The following RASGRF2 variants were observed in gnomAD, a reference collection of about 807,000 sequenced individuals.
The protein encoded by RASGRF2 is ras-specific guanine nucleotide-releasing factor 2.
A neutral mutation model predicts 151.0 loss-of-function variants in RASGRF2; 76 were observed. The observed-to-expected ratio is 0.50, with a 90% confidence interval of 0.42 to 0.61. RASGRF2 has a LOEUF of 0.61. Ranked by LOEUF, RASGRF2 falls within the 20% of genes least tolerant of loss-of-function variation. The pLI is 0.00. For missense variants in RASGRF2, 1,148 were observed against 1,564.6 expected (o/e 0.73, Z 4.49); for synonymous variants, 504 against 566.5 (o/e 0.89, Z 1.57).
intron 17 of RASGRF2, among the ~76,000 whole-genome samples, chr5:81,146,649 G>A (rs1290062973): frequency 6.6e-6 from 1 of 152,136 alleles, no homozygotes; most frequent in African/African-American, 2.4e-5. Context: ...AGAGAAGTGG[G>A]AATTCTAAAA....
rs540899305 is a variant in RASGRF2 at position 81,034,190 on chromosome 5, A to G, written c.289-8687A>G. On this transcript the variant is annotated intron_variant, in intron 1 of 26. Coordinates refer to ENST00000265080, the MANE Select transcript of RASGRF2 (RefSeq NM_006909.3). ...AGACATTTATGCAGCCAAAAAACAC[A>G]TGAAAAAATGCTCACCATCACTGGC... Among the ~76,000 whole-genome samples, 7 of 152,342 alleles carry G rather than the reference A, an allele frequency of 4.6e-5. No homozygotes were observed. The South Asian group carries it at 1.2e-3, about 27-fold the overall frequency.
chr5:81,062,571 T>G (rs1031452881), intron 2 of RASGRF2, among the ~76,000 whole-genome samples: 7 of 152,260 alleles, frequency 4.6e-5, no homozygotes, highest in African/African-American at 1.7e-4. Flanking sequence ...TGTTCCTCTG[T>G]GTTTTGTCAT....
intron 1 of RASGRF2, among the ~76,000 whole-genome samples, chr5:81,015,925 T>C (rs1749620522): frequency 6.6e-6 from 1 of 152,188 alleles, no homozygotes; most frequent in Admixed American, 6.5e-5. Context: ...TGCAATGGTG[T>C]TTCCAAGCTA....
chr5:81,219,884 G>T, intron 26 of RASGRF2, 106 bp downstream of exon 26: 1 of 621,946 alleles, frequency 1.6e-6, no homozygotes, highest in Non-Finnish European at 2.5e-6. Context: ...CTAGCTCATA[G>T]AAAAGACCAG....
chr5:81,000,103 G>T (rs1749031630), intron 1 of RASGRF2, among the ~76,000 whole-genome samples: 1 of 152,174 alleles, frequency 6.6e-6, no homozygotes, highest in African/African-American at 2.4e-5. Flanking sequence ...TTCCAAGGTG[G>T]CTTCTTGGTT....
intron 19 of RASGRF2, among the ~76,000 whole-genome samples, chr5:81,201,695 A>G (rs1755399220): frequency 6.6e-6 from 1 of 152,178 alleles, no homozygotes; most frequent in Non-Finnish European, 1.5e-5. Context: ...GCGGTTTACT[A>G]TAGAACCAAC....
intron 24 of RASGRF2, chr5:81,216,943 T>A (rs927311773): frequency 2.6e-5 from 12 of 455,510 alleles, no homozygotes; most frequent in Non-Finnish European, 4.0e-5. Flanking sequence ...AAGCTCTAAC[T>A]GCATGGATTT....
chr5:80,975,725 A>T (rs1287981789), intron 1 of RASGRF2, among the ~76,000 whole-genome samples: 1 of 152,194 alleles, frequency 6.6e-6, no homozygotes, highest in Non-Finnish European at 1.5e-5. Flanking sequence ...CCAAGCTGTG[A>T]GTCCCATTTA....
At chr5:81,138,507 C>A (rs1308715956) in intron 17 of RASGRF2, among the ~76,000 whole-genome samples, 7 of 152,136 alleles carry the variant, frequency 4.6e-5, no homozygotes, top group Non-Finnish European at 1.0e-4. Flanking sequence ...TGTTACTCTT[C>A]CCCTCTCCCT....
Position 81,202,410 on chromosome 5 carries a change from T to A in RASGRF2, c.2906+968T>A, listed in dbSNP as rs535064917. On this transcript the variant is annotated intron_variant, in intron 19 of 26. Transcript: ENST00000265080. ...GTTTGTGTCATCCACAGGCAGTCTA[T>A]TTTAGCTCAGTCCATGTTTTTGCAA... 4.6e-5 allele frequency among the ~76,000 whole-genome samples: 7 copies of A among 152,350 alleles called. No individual in the cohort carries two copies. In the South Asian group the frequency reaches 1.4e-3, roughly 32 times the overall value.
At chr5:81,220,099 A>G (rs1306837194) in intron 26 of RASGRF2, among the ~76,000 whole-genome samples, 6 of 152,160 alleles carry the variant, frequency 3.9e-5, no homozygotes, top group African/African-American at 1.4e-4. Flanking sequence ...TTCATTCTAC[A>G]AATTACAGCT....
chr5:81,098,629 C>T (rs1310883908), intron 12 of RASGRF2, among the ~76,000 whole-genome samples: 3 of 152,228 alleles, frequency 2.0e-5, no homozygotes, highest in Non-Finnish European at 2.9e-5. Flanking sequence ...CAACTGCTGC[C>T]AAAGGCTGAG....
At chr5:81,118,197 GTC>G (rs1364389423) in intron 15 of RASGRF2, among the ~76,000 whole-genome samples, 2 of 152,338 alleles carry the variant, frequency 1.3e-5, no homozygotes, top group East Asian at 3.9e-4. Flanking sequence ...CCTGCAATAG[GTC>G]TCTGCCTGGG....
In RASGRF2 at chr5:81,094,736, CTGAAA is replaced by C; in HGVS notation, c.1619-116_1619-112del. ...TTCATGCCTGAGAAGTACGATATTG[CTGAAA>C]TGAGAGTCCCGATTTGAGTGCAAAT... On this transcript the variant is annotated intron_variant, in intron 11 of 26. Coordinates refer to ENST00000265080, the MANE Select transcript of RASGRF2 (RefSeq NM_006909.3). The C allele has an allele frequency of 8.9e-6, 10 of 1,120,858 alleles. No homozygotes were observed. The South Asian group carries it at 1.4e-4, about 16-fold the overall frequency. The allele number at this position is 1,120,858 out of a possible 1,614,324, so 69.4% of individuals were successfully genotyped here.
intron 1 of RASGRF2, among the ~76,000 whole-genome samples, chr5:80,978,795 GAAAA>G (rs72540804): frequency 2.7e-5 from 4 of 146,978 alleles, no homozygotes; most frequent in Non-Finnish European, 4.5e-5. Context: ...CTCAAAAAAA[GAAAA>G]AAAAAGGGGG....
At chr5:81,221,530 T>G (rs1198321144) in intron 26 of RASGRF2, among the ~76,000 whole-genome samples, 1 of 152,168 alleles carries the variant, frequency 6.6e-6, no homozygotes, top group African/African-American at 2.4e-5. Flanking sequence ...TTTTCTTTTT[T>G]GAGGACTTTC....
At chr5:81,029,781 A>G (rs1270304930) in intron 1 of RASGRF2, among the ~76,000 whole-genome samples, 1 of 152,274 alleles carries the variant, frequency 6.6e-6, no homozygotes, top group East Asian at 1.9e-4. Context: ...GCAATGGAGC[A>G]AAGCTGGACA....
rs557673821 is a variant in RASGRF2 at position 81,124,976 on chromosome 5, C to G, written c.2596+1209C>G. 2.8e-4 allele frequency among the ~76,000 whole-genome samples: 42 copies of G among 152,244 alleles called. No homozygotes were observed. In the South Asian group the frequency reaches 8.5e-3, roughly 31 times the overall value. On this transcript the variant is annotated intron_variant, in intron 16 of 26. Transcript: ENST00000265080. ...AATCTCGGCTCAGTGCAACCTCCAC[C>G]TCCCAGGTTCAAGTGATTCTCCTGC... is the stretch of plus-strand genomic sequence containing the variant.
intron 26 of RASGRF2, among the ~76,000 whole-genome samples, chr5:81,222,563 T>TA (rs1755878045): frequency 6.6e-6 from 1 of 152,228 alleles, no homozygotes; most frequent in South Asian, 2.1e-4. Context: ...TTCTAGCACT[T>TA]ACTGCTGGAG....
Sources: allele counts gnomAD v4.1 joint callset (sites outside exome capture counted in the v4.1 genomes callset), GRCh38; gene constraint gnomAD v4.1.1; transcripts MANE v1.5; gene names NCBI Gene and HGNC (gene_info 2026-07-23, HGNC 2026-07-21).